FSIP1: variants seen among roughly 807,000 people sequenced by gnomAD.
FSIP1 encodes the protein fibrous sheath interacting protein 1.
FSIP1 carries 65 observed loss-of-function variants against 60.9 expected under a neutral mutation model. That is an observed-to-expected ratio of 1.07 (90% CI 0.87 to 1.31). The LOEUF is 1.31. FSIP1 is among the 40% of genes most tolerant of loss of function. The probability of loss-of-function intolerance (pLI) is 0.00; values close to 1 mark genes in which losing one functional copy is unlikely to be tolerated. For missense variants in FSIP1, 675 were observed against 665.5 expected (o/e 1.01, Z -0.16); for synonymous variants, 209 against 221.2 (o/e 0.94, Z 0.49).
intron 10 of FSIP1, among the ~76,000 whole-genome samples, chr15:39,658,148 G>C (rs528005592): frequency 6.6e-6 from 1 of 151,518 alleles, no homozygotes; most frequent in African/African-American, 2.4e-5. Context: ...ATTAACATTA[G>C]TTTTCAGGTT....
Position 39,677,211 on chromosome 15 carries a change from T to C in FSIP1, c.1188+36233A>G, listed in dbSNP as rs144527180. Among the ~76,000 whole-genome samples, 1,034 of 152,336 alleles carry C rather than the reference T, an allele frequency of 6.8e-3. 7 individuals carry two copies. Among genetic ancestry groups the C allele is most frequent in the Non-Finnish European group, 0.011 (720 of 68,026 alleles). On this transcript the variant is annotated intron_variant, in intron 10 of 11. Transcript: ENST00000350221. ...TTAAATGCAATAACCAAAATAAAAA[T>C]ATTTTTCTTTTCAGAAAAGTATTCC...
chr15:39,780,907 A>C (rs1023242177), intron 1 of FSIP1, among the ~76,000 whole-genome samples: 1 of 152,190 alleles, frequency 6.6e-6, no homozygotes, highest in Non-Finnish European at 1.5e-5. Context: ...AAATTTCTAA[A>C]AAATACATGT....
Position 39,673,846 on chromosome 15 carries a change from C to CTA in FSIP1, c.1188+39596_1188+39597dup, listed in dbSNP as rs933954267. 3.8e-3 allele frequency among the ~76,000 whole-genome samples: 582 copies of CTA among 151,458 alleles called. 4 individuals are homozygous for CTA. The highest frequency in any genetic ancestry group is 0.013 in the African/African-American group (555 of 41,298). ...GAATAATAATAATTGGCTTATTTTTCTATATATATATCATATATTTTGTAT... is the reference window on the plus strand; with the variant it reads ...GAATAATAATAATTGGCTTATTTTTCTATATATATATATCATATATTTTGTAT... On this transcript the variant is annotated intron_variant, in intron 10 of 11. Transcript: ENST00000350221.
At position 39,733,145 on chromosome 15, in the gene FSIP1, C is replaced by T. The variant is rs372385064; in HGVS notation, c.891+4946G>A. Among the ~76,000 whole-genome samples the T allele has an allele frequency of 7.9e-5, 12 of 152,278 alleles. No homozygotes were observed. The South Asian group carries it at 1.7e-3, about 21-fold the overall frequency. ...TCCCATGTTCAAGCGATTCTCCTGC[C>T]TCAGCCTGCCAAGTAGCTGGGATTA... On this transcript the variant is annotated intron_variant, in intron 8 of 11. Transcript: ENST00000350221.
At chr15:39,597,505 T>C (rs1263825373), downstream of FSIP1, 2 of 152,172 alleles carry the variant, frequency 1.3e-5, no homozygotes, top group Non-Finnish European at 2.9e-5. Flanking sequence ...CTACTGGCTT[T>C]ATGTCATGAA....
intron 10 of FSIP1, among the ~76,000 whole-genome samples, chr15:39,668,380 G>A (rs4468582): frequency 0.92 from 139,276 of 152,164 alleles, 64,403 homozygotes; most frequent in Non-Finnish European, 0.98. Flanking sequence ...ACAAAAATCT[G>A]TCAACTCATA....
At chr15:39,739,532 T>C in intron 7 of FSIP1, 133 bp downstream of exon 7, 2 of 791,788 alleles carry the variant, frequency 2.5e-6, no homozygotes, top group Non-Finnish European at 3.9e-6. Flanking sequence ...TTTTCTTTCA[T>C]TATATCTACT....
In FSIP1 at chr15:39,623,140, G is replaced by A. The variant is rs1595541849; in HGVS notation, c.1189-4895C>T. Among the ~76,000 whole-genome samples, 6 of 152,080 alleles carry A rather than the reference G, an allele frequency of 3.9e-5. No individual in the cohort carries two copies. The South Asian group carries it at 1.2e-3, about 32-fold the overall frequency. On this transcript the variant is annotated intron_variant, in intron 10 of 11. Transcript: ENST00000350221. ...ATGAGGAATGCAACTTGTAATTGCT[G>A]GAGATGGAACACAGACTGTGGATTA...
intron 6 of FSIP1, 22 bp from the exon 7 acceptor site, chr15:39,739,811 AT>A (rs1896745385): frequency 6.9e-7 from 1 of 1,459,606 alleles, no homozygotes; most frequent in Non-Finnish European, 9.2e-7. Context: ...AAAGTTCAAA[AT>A]TTTTTCATAA....
chr15:39,753,856 C>T (rs1202425629), intron 5 of FSIP1, among the ~76,000 whole-genome samples: 1 of 151,880 alleles, frequency 6.6e-6, no homozygotes, highest in African/African-American at 2.4e-5. Context: ...TCTAAAAAGT[C>T]ACTAACTTTC....
intron 10 of FSIP1, among the ~76,000 whole-genome samples, chr15:39,625,506 T>C (rs1891603936): frequency 1.3e-5 from 2 of 152,152 alleles, no homozygotes; most frequent in South Asian, 4.1e-4. Flanking sequence ...CTGGTGAAAA[T>C]GGACTCTTAT....
chr15:39,738,279 C>T, intron 7 of FSIP1, 78 bp from the exon 8 acceptor site: 1 of 877,740 alleles, frequency 1.1e-6, no homozygotes, highest in Non-Finnish European at 1.8e-6. Flanking sequence ...GAATCTGAGA[C>T]TTCTACACTA....
At chr15:39,609,805 T>C (rs927331557) in intron 11 of FSIP1, among the ~76,000 whole-genome samples, 1 of 152,224 alleles carries the variant, frequency 6.6e-6, no homozygotes, top group African/African-American at 2.4e-5. Flanking sequence ...CCACCTTAAC[T>C]GTGGAGTCCA....
intron 8 of FSIP1, among the ~76,000 whole-genome samples, chr15:39,730,367 T>C (rs576109817): frequency 6.6e-6 from 1 of 152,284 alleles, no homozygotes; most frequent in East Asian, 1.9e-4. Flanking sequence ...GTTCAAACCC[T>C]GGGGGCTATG....
chr15:39,669,521 CTTGAT>C (rs1286750138), intron 10 of FSIP1, among the ~76,000 whole-genome samples: 5 of 152,154 alleles, frequency 3.3e-5, no homozygotes, highest in Non-Finnish European at 5.9e-5. Context: ...TGTTGAGTAA[CTTGAT>C]TTGAAGTTGT....
At chr15:39,615,962 C>CA (rs1303094330) in intron 11 of FSIP1, among the ~76,000 whole-genome samples, 3 of 143,752 alleles carry the variant, frequency 2.1e-5, no homozygotes, top group Non-Finnish European at 4.5e-5. Context: ...TGTCTTACCA[C>CA]AAAAAAATGG....
chr15:39,618,873 C>T (rs17706083), intron 10 of FSIP1, among the ~76,000 whole-genome samples: 20,583 of 152,020 alleles, frequency 0.14, 1,573 homozygotes, highest in Non-Finnish European at 0.17. Flanking sequence ...AAGACTTCAG[C>T]TGAATACCAT....
At chr15:39,649,645 G>A (rs1019461629) in intron 10 of FSIP1, among the ~76,000 whole-genome samples, 3 of 151,926 alleles carry the variant, frequency 2.0e-5, no homozygotes, top group Non-Finnish European at 2.9e-5. Context: ...TTCCATCCCT[G>A]CCTGACTCTA....
intron 8 of FSIP1, among the ~76,000 whole-genome samples, chr15:39,734,593 A>G (rs1243716615): frequency 6.6e-6 from 1 of 152,236 alleles, no homozygotes; most frequent in Non-Finnish European, 1.5e-5. Context: ...TAATTATTGA[A>G]GTTGAAAAGA....
Sources: gnomAD v4.1 joint callset for allele counts (sites outside exome capture counted in the v4.1 genomes callset) on GRCh38, gnomAD v4.1.1 for gene constraint, MANE v1.5 for transcripts, NCBI Gene and HGNC (gene_info 2026-07-23, HGNC 2026-07-21) for gene names.